PALM2AKAP2: variants seen among roughly 807,000 people sequenced by gnomAD.
PALM2AKAP2 encodes the protein PALM2-AKAP2 fusion protein.
Under a neutral mutation model 71.5 loss-of-function variants are expected in PALM2AKAP2, and 37 were observed. The observed-to-expected ratio is 0.52, with a 90% CI of 0.40 to 0.68. The LOEUF is 0.68. Ranked by LOEUF, PALM2AKAP2 falls within the 30% of genes least tolerant of loss-of-function variation. The probability of loss-of-function intolerance (pLI) is 0.00; values close to 1 mark genes in which losing one functional copy is unlikely to be tolerated. For synonymous variants in PALM2AKAP2, 468 were observed against 478.8 expected (o/e 0.98, Z 0.29); for missense variants, 1,224 against 1,191.8 (o/e 1.03, Z -0.40).
At chr9:110,048,483 T>C, upstream of PALM2AKAP2, 1 of 542,832 alleles carries the variant, frequency 1.8e-6, no homozygotes, top group Non-Finnish European at 3.2e-6. Context: ...CTCTCCAGTC[T>C]CTGCATTCAT....
At chr9:109,677,849 T>TAAAATATGCAATACAAATGGGTGAAAAGA (rs1827670471) in intron 1 of PALM2AKAP2, among the ~76,000 whole-genome samples, 1 of 152,078 alleles carries the variant, frequency 6.6e-6, no homozygotes, top group African/African-American at 2.4e-5. Context: ...TTGAGATGAT[T>TAAAATATGCAATACAAATGGGTGAAAAGA]AAAATATGCA....
At chr9:109,672,619 T>C (rs891759622) in intron 1 of PALM2AKAP2, among the ~76,000 whole-genome samples, 3 of 149,986 alleles carry the variant, frequency 2.0e-5, no homozygotes, top group African/African-American at 7.6e-5. Context: ...GCTGGCCTCA[T>C]AGAAAGAGTT....
intron 1 of PALM2AKAP2, among the ~76,000 whole-genome samples, chr9:110,100,051 C>CTCTCTATATATATATATA (rs143442936): frequency 9.1e-6 from 1 of 109,464 alleles, no homozygotes; most frequent in African/African-American, 3.2e-5. Flanking sequence ...GTATGTGTGT[C>CTCTCTATATATATATATA]TATATATATA....
In PALM2AKAP2 at chr9:109,931,516, C is replaced by T. The variant is rs115008225; in HGVS notation, c.395-411C>T. On this transcript the variant is annotated intron_variant, in intron 5 of 9. Transcript: ENST00000302798. ...AATCAGACACAGAAAGCTTTATTTC[C>T]GGTTCAGAGAATGGATCTGTTTTTC... Among the ~76,000 whole-genome samples the T allele has an allele frequency of 3.6e-3, 544 of 152,308 alleles. 5 individuals are homozygous for T. The highest frequency in any genetic ancestry group is 0.012 in the African/African-American group (510 of 41,566).
At chr9:110,035,310 A>ATTATATAT (rs1833365222) in intron 7 of PALM2AKAP2, among the ~76,000 whole-genome samples, 1 of 81,026 alleles carries the variant, frequency 1.2e-5, no homozygotes, top group Non-Finnish European at 2.4e-5. Flanking sequence ...AATACATATT[A>ATTATATAT]CATACATATG....
chr9:109,936,604 C>G (rs1831223276), intron 6 of PALM2AKAP2, among the ~76,000 whole-genome samples: 1 of 152,216 alleles, frequency 6.6e-6, no homozygotes, highest in South Asian at 2.1e-4. Flanking sequence ...GTTTCTGTTA[C>G]TGAGATGACC....
At chr9:110,134,784 T>C (rs1835810506) in intron 1 of PALM2AKAP2, among the ~76,000 whole-genome samples, 1 of 152,146 alleles carries the variant, frequency 6.6e-6, no homozygotes, top group Non-Finnish European at 1.5e-5. Context: ...TCTTGCAATT[T>C]TGCATTGTCC....
chr9:109,724,730 A>G (rs367930056), intron 1 of PALM2AKAP2, among the ~76,000 whole-genome samples: 11 of 152,342 alleles, frequency 7.2e-5, no homozygotes, highest in African/African-American at 2.6e-4. Flanking sequence ...CAAAGCACAC[A>G]TAGATTATGC....
intron 7 of PALM2AKAP2, among the ~76,000 whole-genome samples, chr9:110,033,929 C>T (rs549251741): frequency 6.6e-6 from 1 of 152,246 alleles, no homozygotes; most frequent in South Asian, 2.1e-4. Context: ...TCCATGAACT[C>T]ATGATATAGA....
chr9:109,839,317 CT>C (rs1295552843), intron 1 of PALM2AKAP2, among the ~76,000 whole-genome samples: 2 of 152,180 alleles, frequency 1.3e-5, no homozygotes, highest in African/African-American at 4.8e-5. Flanking sequence ...CAGAAAAGGC[CT>C]TTGACAAAAT....
At chr9:109,785,847 C>T (rs542174246) in intron 1 of PALM2AKAP2, among the ~76,000 whole-genome samples, 15 of 152,178 alleles carry the variant, frequency 9.9e-5, no homozygotes, top group African/African-American at 2.9e-4. Flanking sequence ...TGCTTTGATA[C>T]GGGCTGAAAC....
intron 1 of PALM2AKAP2, among the ~76,000 whole-genome samples, chr9:109,797,798 CA>C (rs1564153416): frequency 6.6e-6 from 1 of 152,186 alleles, no homozygotes; most frequent in Non-Finnish European, 1.5e-5. Context: ...CATCAGGTCC[CA>C]AAATGTTCAG....
chr9:109,706,733 G>T (rs1828151078), intron 1 of PALM2AKAP2, among the ~76,000 whole-genome samples: 1 of 152,170 alleles, frequency 6.6e-6, no homozygotes, highest in Admixed American at 6.5e-5. Flanking sequence ...GCCATGAAAA[G>T]AATGACATAT....
At chr9:109,924,987 C>G in intron 4 of PALM2AKAP2, 74 bp from the exon 5 acceptor site, 2 of 1,607,976 alleles carry the variant, frequency 1.2e-6, no homozygotes, top group Admixed American at 3.3e-5. Flanking sequence ...TGGGTTAAGT[C>G]TTTAAAGATG....
intron 2 of PALM2AKAP2, 152 bp from the exon 3 acceptor site, chr9:109,880,399 G>T: frequency 1.8e-6 from 2 of 1,132,376 alleles, no homozygotes; most frequent in African/African-American, 1.5e-5. Flanking sequence ...TTGATCTAGA[G>T]GGAAGTAGGG....
chr9:109,893,179 G>A (rs1303529222), intron 3 of PALM2AKAP2, among the ~76,000 whole-genome samples: 3 of 152,112 alleles, frequency 2.0e-5, no homozygotes, highest in African/African-American at 7.2e-5. Flanking sequence ...AGGCCAAGAA[G>A]CGTCCCATCT....
intron 1 of PALM2AKAP2, among the ~76,000 whole-genome samples, chr9:109,666,805 C>T (rs12683432): frequency 0.2 from 29,730 of 152,130 alleles, 3,125 homozygotes; most frequent in Middle Eastern, 0.31. Flanking sequence ...AAGGTGGTGA[C>T]CCAGAGAAGA....
At chr9:110,062,190 A>G (rs1480094456) in intron 1 of PALM2AKAP2, among the ~76,000 whole-genome samples, 1 of 152,178 alleles carries the variant, frequency 6.6e-6, no homozygotes, top group Non-Finnish European at 1.5e-5. Flanking sequence ...CTATCAACCC[A>G]TCACCTACAT....
intron 1 of PALM2AKAP2, among the ~76,000 whole-genome samples, chr9:110,100,051 C>CTACATATA (rs1834956025): frequency 9.1e-6 from 1 of 109,482 alleles, no homozygotes; most frequent in South Asian, 3.6e-4. Flanking sequence ...GTATGTGTGT[C>CTACATATA]TATATATATA....
Sources: allele counts gnomAD v4.1 joint callset (sites outside exome capture counted in the v4.1 genomes callset), GRCh38; gene constraint gnomAD v4.1.1; transcripts MANE v1.5; gene names NCBI Gene and HGNC (gene_info 2026-07-23, HGNC 2026-07-21).